HEMK2: variants seen among roughly 807,000 people sequenced by gnomAD.
HEMK2 encodes HemK methyltransferase 2, ETF1 glutamine and histone H4 lysine.
the HEMK2 span, among the ~76,000 whole-genome samples, chr21:28,815,837 C>A: frequency 3.3e-5 from 5 of 152,030 alleles, 1 homozygote; most frequent in Admixed American, 3.3e-4. Flanking sequence ...TACAGTAAAC[C>A]ATACATATAG....
chr21:28,709,160 G>C, the HEMK2 span, among the ~76,000 whole-genome samples: 1 of 152,106 alleles, frequency 6.6e-6, no homozygotes, highest in African/African-American at 2.4e-5. Flanking sequence ...CCACCCAAAG[G>C]CCTTCATTGT....
At chr21:28,693,692 T>C in the HEMK2 span, among the ~76,000 whole-genome samples, 16 of 152,196 alleles carry the variant, frequency 1.1e-4, no homozygotes, top group African/African-American at 3.9e-4. Flanking sequence ...GCTTTCTTCT[T>C]TATCATATTA....
chr21:28,602,315 T>C, the HEMK2 span, among the ~76,000 whole-genome samples: 1 of 152,222 alleles, frequency 6.6e-6, no homozygotes, highest in Non-Finnish European at 1.5e-5. Context: ...ATATCTGATA[T>C]GTGCCAAGGG....
At chr21:28,627,710 T>G in the HEMK2 span, among the ~76,000 whole-genome samples, 1 of 152,182 alleles carries the variant, frequency 6.6e-6, no homozygotes, top group Non-Finnish European at 1.5e-5. Context: ...ACTGACTTCC[T>G]AGAACTAAAT....
At chr21:28,763,644 T>C in the HEMK2 span, among the ~76,000 whole-genome samples, 1 of 152,152 alleles carries the variant, frequency 6.6e-6, no homozygotes, top group East Asian at 1.9e-4. Flanking sequence ...GATAACCCAG[T>C]AAACTCAAGC....
chr21:28,741,196 T>G, the HEMK2 span, among the ~76,000 whole-genome samples: 1 of 152,232 alleles, frequency 6.6e-6, no homozygotes, highest in East Asian at 1.9e-4. Flanking sequence ...AACATCATGA[T>G]TAGACCCATC....
chr21:28,693,760 A>G, the HEMK2 span, among the ~76,000 whole-genome samples: 3 of 152,216 alleles, frequency 2.0e-5, no homozygotes, highest in African/African-American at 7.2e-5. Context: ...CCTTGAGGAT[A>G]ACAGTGACAC....
At chr21:28,744,035 T>C in the HEMK2 span, among the ~76,000 whole-genome samples, 2 of 151,578 alleles carry the variant, frequency 1.3e-5, no homozygotes, top group Admixed American at 6.6e-5. Context: ...AGCTAAATAA[T>C]GAGAATTCAT....
At chr21:28,588,306 A>T in the HEMK2 span, among the ~76,000 whole-genome samples, 2 of 152,186 alleles carry the variant, frequency 1.3e-5, no homozygotes, top group Non-Finnish European at 2.9e-5. Context: ...GGAAACTGTC[A>T]CCCTCACACT....
At chr21:28,650,534 G>A in the HEMK2 span, among the ~76,000 whole-genome samples, 1 of 152,190 alleles carries the variant, frequency 6.6e-6, no homozygotes, top group African/African-American at 2.4e-5. Flanking sequence ...AGATATAGGA[G>A]TTGAGAGAGG....
the HEMK2 span, among the ~76,000 whole-genome samples, chr21:28,626,044 G>C: frequency 6.6e-6 from 1 of 151,814 alleles, no homozygotes; most frequent in Admixed American, 6.6e-5. Flanking sequence ...AAATATACCA[G>C]GATTGAAACC....
chr21:28,715,788 T>C, the HEMK2 span, among the ~76,000 whole-genome samples: 1 of 152,228 alleles, frequency 6.6e-6, no homozygotes, highest in African/African-American at 2.4e-5. Context: ...TACATCTAAG[T>C]CTTTAATCTA....
the HEMK2 span, among the ~76,000 whole-genome samples, chr21:28,883,890 C>CT: frequency 6.6e-6 from 1 of 152,072 alleles, no homozygotes; most frequent in Non-Finnish European, 1.5e-5. Flanking sequence ...TGCCAGCCCT[C>CT]TATAATGTTA....
the HEMK2 span, among the ~76,000 whole-genome samples, chr21:28,852,086 A>G: frequency 2.0e-5 from 3 of 152,220 alleles, no homozygotes; most frequent in Admixed American, 2.0e-4. Flanking sequence ...GAGAGTTGAA[A>G]GGGGATGTGG....
the HEMK2 span, among the ~76,000 whole-genome samples, chr21:28,619,758 T>A: frequency 6.6e-6 from 1 of 152,198 alleles, no homozygotes; most frequent in African/African-American, 2.4e-5. Flanking sequence ...TAATTGATGT[T>A]CCTATTGAAG....
the HEMK2 span, among the ~76,000 whole-genome samples, chr21:28,734,107 C>T: frequency 4.6e-5 from 7 of 152,190 alleles, no homozygotes; most frequent in East Asian, 1.9e-4. Context: ...CCCTAATATC[C>T]GTATCAGGAG....
the HEMK2 span, among the ~76,000 whole-genome samples, chr21:28,701,068 T>C: frequency 6.6e-6 from 1 of 152,148 alleles, no homozygotes; most frequent in Non-Finnish European, 1.5e-5. Context: ...TCTCAACAGC[T>C]GCAGAAAAAG....
At chr21:28,841,874 C>G in the HEMK2 span, among the ~76,000 whole-genome samples, 1 of 152,146 alleles carries the variant, frequency 6.6e-6, no homozygotes, top group East Asian at 1.9e-4. Flanking sequence ...TGAAAGACAA[C>G]ATTTCACACT....
At chr21:28,850,802 G>A in the HEMK2 span, among the ~76,000 whole-genome samples, 3 of 152,252 alleles carry the variant, frequency 2.0e-5, no homozygotes, top group Non-Finnish European at 4.4e-5. Context: ...GTTTACTAAG[G>A]GGAGTTTATT....
Sources: gnomAD v4.1 joint callset for allele counts (sites outside exome capture counted in the v4.1 genomes callset) on GRCh38, gnomAD v4.1.1 for gene constraint, MANE v1.5 for transcripts, NCBI Gene and HGNC (gene_info 2026-07-23, HGNC 2026-07-21) for gene names.